The following PRKG1 variants were observed in gnomAD, a reference collection of about 807,000 sequenced individuals.
The protein encoded by PRKG1 is cGMP-dependent protein kinase 1.
Under a neutral mutation model 88.1 loss-of-function variants are expected in PRKG1, and 35 were observed. The observed-to-expected ratio is 0.40, with a 90% CI of 0.30 to 0.53. PRKG1 has a LOEUF of 0.53. Ranked by LOEUF, PRKG1 falls within the 20% of genes least tolerant of loss-of-function variation. The probability of loss-of-function intolerance (pLI) is 0.59; values close to 1 mark genes in which losing one functional copy is unlikely to be tolerated. For missense variants in PRKG1, 540 were observed against 839.8 expected, an observed-to-expected ratio of 0.64 and a Z score of 4.41; for synonymous variants, 303 against 292.5, an observed-to-expected ratio of 1.04 and a Z score of -0.37.
At chr10:52,072,111 G>A (rs1440074030) in intron 7 of PRKG1, among the ~76,000 whole-genome samples, 1 of 145,332 alleles carries the variant, frequency 6.9e-6, no homozygotes, top group Non-Finnish European at 1.5e-5. Flanking sequence ...CCAGCCTTGG[G>A]ACCCTTCTCT....
chr10:52,084,091 C>A (rs11000724), intron 7 of PRKG1, among the ~76,000 whole-genome samples: 1 of 151,922 alleles, frequency 6.6e-6, no homozygotes, highest in Admixed American at 6.6e-5. Context: ...AGGGAAATAG[C>A]GGATTTTAAT....
chr10:51,405,929 T>A (rs923989242), intron 2 of PRKG1, among the ~76,000 whole-genome samples: 1 of 152,094 alleles, frequency 6.6e-6, no homozygotes, highest in Non-Finnish European at 1.5e-5. Context: ...AGTTCTCTCA[T>A]CTGGCAACAG....
At chr10:51,304,494 T>G (rs1465021921) in intron 2 of PRKG1, among the ~76,000 whole-genome samples, 1 of 151,980 alleles carries the variant, frequency 6.6e-6, no homozygotes, top group African/African-American at 2.4e-5. Flanking sequence ...TATTTTATTA[T>G]TATTATACTT....
intron 1 of PRKG1, among the ~76,000 whole-genome samples, chr10:51,051,119 A>G (rs1037484984): frequency 6.6e-6 from 1 of 151,954 alleles, no homozygotes; most frequent in Non-Finnish European, 1.5e-5. Flanking sequence ...TTGCCTTTTT[A>G]TTCTGTTGAT....
intron 4 of PRKG1, among the ~76,000 whole-genome samples, chr10:51,859,485 A>G (rs1840811963): frequency 6.6e-6 from 1 of 151,932 alleles, no homozygotes; most frequent in Non-Finnish European, 1.5e-5. Context: ...AAATAGATGC[A>G]GCCCTTGATC....
intron 3 of PRKG1, among the ~76,000 whole-genome samples, chr10:51,709,940 G>A (rs995734291): frequency 7.8e-6 from 1 of 128,654 alleles, no homozygotes; most frequent in African/African-American, 2.8e-5. Context: ...CAATGCTTTA[G>A]GATACTAAAG....
At chr10:51,331,916 AG>A (rs1277412519) in intron 2 of PRKG1, among the ~76,000 whole-genome samples, 1 of 152,230 alleles carries the variant, frequency 6.6e-6, no homozygotes, top group East Asian at 1.9e-4. Flanking sequence ...AGCAACAAAA[AG>A]GTCATGGTTA....
At chr10:52,000,867 CA>C (rs992269721) in intron 5 of PRKG1, among the ~76,000 whole-genome samples, 16 of 151,948 alleles carry the variant, frequency 1.1e-4, no homozygotes, top group African/African-American at 3.9e-4. Context: ...CCTTTACAAC[CA>C]AAAAGTCAAA....
chr10:52,062,549 C>A lies in PRKG1; in HGVS notation c.853C>A (p.Arg285Ser). 2 of 1,595,204 alleles carry A rather than the reference C, an allele frequency of 1.3e-6. No homozygotes were observed. The highest frequency in any genetic ancestry group is 1.1e-5 in the South Asian group (1 of 87,568). ...TTTCTCTTTGCAGGTAAATGTCACT[C>A]GTGAAGACTCACCGAGTGAAGACCC... The part of the protein sequence containing the change: ...IISKGTVNVT[R>S]EDSPSEDPVF... The change falls in exon 7 of 18, where the codon CGT (arginine) becomes AGT (serine). Residue 285 changes from arginine to serine, a missense_variant. Coordinates refer to ENST00000373980, the MANE Select transcript of PRKG1 (RefSeq NM_006258.4).
chr10:51,695,143 T>C (rs1472798508), intron 3 of PRKG1, among the ~76,000 whole-genome samples: 1 of 152,154 alleles, frequency 6.6e-6, no homozygotes, highest in Non-Finnish European at 1.5e-5. Context: ...TTTGTGGAAG[T>C]GGACGTAAAA....
intron 1 of PRKG1, among the ~76,000 whole-genome samples, chr10:51,036,000 A>T (rs1589117260): frequency 6.6e-6 from 1 of 152,178 alleles, no homozygotes; most frequent in Non-Finnish European, 1.5e-5. Context: ...CTTCTGAAAC[A>T]TATGATACAA....
In PRKG1 at chr10:51,756,540, G is replaced by A. The variant is rs142796487; in HGVS notation, c.593-48045G>A. 2.4e-3 allele frequency among the ~76,000 whole-genome samples: 363 copies of A among 151,184 alleles called. 3 individuals are homozygous for A. The highest frequency in any genetic ancestry group is 8.3e-3 in the African/African-American group (341 of 41,204). ...CAATTAAAAATAAAAAGTAGGCTGG[G>A]CACGGTGGCTCATGCCTGTAATCCC... On this transcript the variant is annotated intron_variant, in intron 3 of 17. Coordinates refer to ENST00000373980, the MANE Select transcript of PRKG1 (RefSeq NM_006258.4).
chr10:51,269,865 TA>T lies in PRKG1; in HGVS notation c.478+116541del, dbSNP rs538206674. On this transcript the variant is annotated intron_variant, in intron 2 of 17. Transcript: ENST00000373980. Reference sequence around the variant, plus strand: ...AACTCTTCCCCAAAAACTATTGAAATAAAAAAGGAATCAAATGCTATCTTTA... The same window carrying T: ...AACTCTTCCCCAAAAACTATTGAAATAAAAAGGAATCAAATGCTATCTTTA... 3.7e-3 allele frequency among the ~76,000 whole-genome samples: 564 copies of T among 152,160 alleles called. 2 individuals carry two copies. Among genetic ancestry groups the T allele is most frequent in the Non-Finnish European group, 6.8e-3 (459 of 67,974 alleles).
intron 2 of PRKG1, among the ~76,000 whole-genome samples, chr10:51,341,251 A>G (rs1004845311): frequency 1.3e-5 from 2 of 152,214 alleles, no homozygotes; most frequent in South Asian, 4.1e-4. Flanking sequence ...TTTCTTAAAT[A>G]TTTATCTACA....
At chr10:52,271,616 T>C in intron 11 of PRKG1, 127 bp downstream of exon 11, 1 of 1,005,546 alleles carries the variant, frequency 9.9e-7, no homozygotes. Flanking sequence ...TTTAATCTAA[T>C]CTTAAGAAAG....
chr10:51,469,183 C>T (rs1422019258), intron 3 of PRKG1, among the ~76,000 whole-genome samples: 1 of 151,686 alleles, frequency 6.6e-6, no homozygotes, highest in Non-Finnish European at 1.5e-5. Context: ...GTCATGGCTC[C>T]ATTAAGTGAA....
At chr10:52,063,310 G>T (rs1846281492) in intron 7 of PRKG1, among the ~76,000 whole-genome samples, 1 of 152,204 alleles carries the variant, frequency 6.6e-6, no homozygotes, top group African/African-American at 2.4e-5. Context: ...TCTTTGTAAG[G>T]CTGCGGCCGA....
intron 4 of PRKG1, among the ~76,000 whole-genome samples, chr10:51,847,886 ATCTGAACTCTATTCTCTTG>A (rs1436658324): frequency 6.9e-6 from 1 of 145,096 alleles, no homozygotes; most frequent in Non-Finnish European, 1.5e-5. Context: ...AAGACCGAGA[ATCTGAACTCTATTCTCTTG>A]TCTAAAGCAC....
intron 7 of PRKG1, among the ~76,000 whole-genome samples, chr10:52,112,548 A>G (rs899665658): frequency 7.2e-5 from 11 of 152,172 alleles, no homozygotes; most frequent in African/African-American, 2.7e-4. Flanking sequence ...GAAAACACAT[A>G]GGATTCTTTC....
Sources: allele counts gnomAD v4.1 joint callset (sites outside exome capture counted in the v4.1 genomes callset), GRCh38; gene constraint gnomAD v4.1.1; transcripts MANE v1.5; gene names NCBI Gene and HGNC (gene_info 2026-07-23, HGNC 2026-07-21).